VWA3B: variants seen among roughly 807,000 people sequenced by gnomAD.
The protein encoded by VWA3B is von Willebrand factor A domain-containing protein 3B.
VWA3B carries 138 observed loss-of-function variants against 158.3 expected under a neutral mutation model. That is an observed-to-expected ratio of 0.87 (90% CI 0.76 to 1.00). The LOEUF (loss-of-function observed/expected upper bound fraction) is 1.00. Ranked by LOEUF, VWA3B falls within the 50% of genes least tolerant of loss-of-function variation. The probability of loss-of-function intolerance (pLI) is 0.00; values close to 1 mark genes in which losing one functional copy is unlikely to be tolerated. For synonymous variants in VWA3B, 596 were observed against 587.3 expected (o/e 1.01, Z -0.21); for missense variants, 1,555 against 1,565.1 (o/e 0.99, Z 0.11).
intron 21 of VWA3B, among the ~76,000 whole-genome samples, chr2:98,262,886 T>G (rs1173149304): frequency 3.3e-5 from 5 of 151,954 alleles, no homozygotes; most frequent in Non-Finnish European, 1.5e-5. Context: ...TATGGACATT[T>G]TAACAATTAA....
At position 98,188,274 on chromosome 2, in the gene VWA3B, G is replaced by T. The variant is rs541533697; in HGVS notation, c.1466+145G>T. ...GATACAGAGTGATATTTAGGTGTGT[G>T]TATACAATGTACAAAGATCAAATCA... is the stretch of plus-strand genomic sequence containing the variant. On this transcript the variant is annotated intron_variant, in intron 10 of 27. Transcript: ENST00000477737. 7.4e-6 allele frequency: 8 copies of T among 1,077,852 alleles called. No individual in the cohort carries two copies. The African/African-American group carries it at 1.1e-4, about 15-fold the overall frequency. The allele number at this position is 1,077,852 out of a possible 1,614,324, so 66.8% of individuals were successfully genotyped here.
At chr2:98,155,143 G>A (rs916514883) in intron 7 of VWA3B, among the ~76,000 whole-genome samples, 12 of 152,298 alleles carry the variant, frequency 7.9e-5, no homozygotes, top group Admixed American at 2.0e-4. Context: ...GGTGACAGCC[G>A]ATTCCAATAC....
chr2:98,312,296 C>T lies in VWA3B; in HGVS notation c.3832C>T (p.Leu1278Phe). Reference sequence around the variant, plus strand: ...ACCTCGAGCAGCCCTGCCCTGTACTCTCCAAGCCACCCACAGCAGCAAAGG... The same window carrying T: ...ACCTCGAGCAGCCCTGCCCTGTACTTTCCAAGCCACCCACAGCAGCAAAGG... ...PPPRAALPCTLQATHSSKGLR... is the reference protein window; with the variant it reads ...PPPRAALPCTFQATHSSKGLR... Residue 1278 changes from leucine to phenylalanine, a missense_variant, in exon 28 of 28, where the codon CTC (leucine) becomes TTC (phenylalanine). Coordinates refer to ENST00000477737, the MANE Select transcript of VWA3B (RefSeq NM_144992.5). 3 of 1,614,120 alleles carry T rather than the reference C, an allele frequency of 1.9e-6. No homozygotes were observed. The highest frequency in any genetic ancestry group is 2.2e-5 in the East Asian group (1 of 44,870).
chr2:98,235,263 A>G (rs1162469804), intron 17 of VWA3B, among the ~76,000 whole-genome samples: 2 of 152,266 alleles, frequency 1.3e-5, no homozygotes, highest in Admixed American at 6.5e-5. Context: ...TTTATTTCAA[A>G]TGGTTGATAC....
intron 7 of VWA3B, among the ~76,000 whole-genome samples, chr2:98,140,487 C>T (rs1010593841): frequency 7.2e-5 from 11 of 152,230 alleles, no homozygotes; most frequent in Admixed American, 7.2e-4. Context: ...GGCTGGATCC[C>T]TGCCCCTGTT....
At chr2:98,153,201 A>G (rs59295971) in intron 7 of VWA3B, among the ~76,000 whole-genome samples, 3,473 of 152,274 alleles carry the variant, frequency 0.023, 138 homozygotes, top group African/African-American at 0.078. Flanking sequence ...GCTCACTATC[A>G]TATTTTGCTT....
At chr2:98,302,474 T>A (rs995608077) in intron 25 of VWA3B, among the ~76,000 whole-genome samples, 2 of 152,216 alleles carry the variant, frequency 1.3e-5, no homozygotes, top group African/African-American at 4.8e-5. Flanking sequence ...ATGGACGACT[T>A]AACATGCCTG....
intron 12 of VWA3B, among the ~76,000 whole-genome samples, chr2:98,199,737 A>G (rs1682372006): frequency 6.6e-6 from 1 of 152,198 alleles, no homozygotes; most frequent in African/African-American, 2.4e-5. Context: ...GCTGTTCCCT[A>G]TATATACATC....
chr2:98,112,690 T>A (rs1361630553), intron 2 of VWA3B, among the ~76,000 whole-genome samples: 1 of 152,014 alleles, frequency 6.6e-6, no homozygotes, highest in Non-Finnish European at 1.5e-5. Context: ...TTTTTTTTAA[T>A]CAAATCTTGG....
At chr2:98,089,752 C>T (rs548127413) in intron 1 of VWA3B, among the ~76,000 whole-genome samples, 191 of 149,600 alleles carry the variant, frequency 1.3e-3, no homozygotes, top group African/African-American at 4.2e-3. Flanking sequence ...GGCTACAAAA[C>T]GCTGGAGGTA....
At chr2:98,113,887 A>G (rs1674330794) in intron 2 of VWA3B, among the ~76,000 whole-genome samples, 1 of 152,162 alleles carries the variant, frequency 6.6e-6, no homozygotes, top group Admixed American at 6.5e-5. Flanking sequence ...TGGCTGTACT[A>G]CGATTTTCTT....
the VWA3B span, among the ~76,000 whole-genome samples, chr2:98,328,806 G>C: frequency 6.8e-6 from 1 of 147,866 alleles, no homozygotes; most frequent in Non-Finnish European, 1.5e-5. Flanking sequence ...AGTTCCAGCA[G>C]GTTTGTTGAC....
intron 13 of VWA3B, chr2:98,212,279 G>GC: frequency 3.0e-6 from 1 of 329,836 alleles, no homozygotes; most frequent in Non-Finnish European, 5.6e-6. Flanking sequence ...CTGGAGACCA[G>GC]CCCCACAAAA....
chr2:98,230,151 A>C lies in VWA3B; in HGVS notation c.2252A>C (p.Lys751Thr). ...CAAACTTCATCTCTGAATATGTTGA[A>C]GGGACCATGGGGCCTTTCAGATCAA... ...STQTSSLNML[K>T]GPWGLSDQKV... is the part of the protein sequence containing the mutation. Residue 751 changes from lysine (K) to threonine (T), a missense_variant, in exon 16 of 28, where the codon AAG (lysine) becomes ACG (threonine). By Grantham distance (78) the Lys-to-Thr change is moderately conservative (BLOSUM62 -1). Coordinates refer to ENST00000477737, the MANE Select transcript of VWA3B (RefSeq NM_144992.5). The C allele has an allele frequency of 6.2e-7, 1 of 1,610,516 alleles. No individual in the cohort carries two copies. The highest frequency in any genetic ancestry group is 8.5e-7 in the Non-Finnish European group (1 of 1,179,204).
At chr2:98,093,780 C>T (rs298916) in intron 2 of VWA3B, among the ~76,000 whole-genome samples, 54,008 of 151,856 alleles carry the variant, frequency 0.36, 11,008 homozygotes, top group African/African-American at 0.58. Flanking sequence ...CTTTGACTAA[C>T]ATCTTCCCGA....
chr2:98,107,021 A>G lies in VWA3B; in HGVS notation c.197-8631A>G, dbSNP rs559964236. Reference sequence around the variant, plus strand: ...AAAATTATATTGTGGAAGGTCCCTGATATTCCTAGTAATCTGAGAATTTTT... The same window carrying G: ...AAAATTATATTGTGGAAGGTCCCTGGTATTCCTAGTAATCTGAGAATTTTT... On this transcript the variant is annotated intron_variant, in intron 2 of 27. Coordinates refer to ENST00000477737, the MANE Select transcript of VWA3B (RefSeq NM_144992.5). Among the ~76,000 whole-genome samples, 18 of 152,304 alleles carry G rather than the reference A, an allele frequency of 1.2e-4. No homozygotes were observed. In the South Asian group the frequency reaches 3.7e-3, roughly 32 times the overall value.
intron 2 of VWA3B, among the ~76,000 whole-genome samples, chr2:98,109,712 T>G (rs1041554462): frequency 1.3e-5 from 2 of 152,110 alleles, no homozygotes; most frequent in African/African-American, 2.4e-5. Context: ...TCCTTTAGTT[T>G]CTTTGTCTGA....
At chr2:98,287,176 A>C (rs957207073) in intron 22 of VWA3B, among the ~76,000 whole-genome samples, 1 of 151,618 alleles carries the variant, frequency 6.6e-6, no homozygotes, top group East Asian at 1.9e-4. Flanking sequence ...TTAAGCTAGA[A>C]CTCTAGGATT....
chr2:98,101,085 C>T (rs1290958749), intron 2 of VWA3B, among the ~76,000 whole-genome samples: 1 of 152,128 alleles, frequency 6.6e-6, no homozygotes, highest in African/African-American at 2.4e-5. Flanking sequence ...TGTTCATCTC[C>T]TGGGATGTGC....
Sources: allele counts gnomAD v4.1 joint callset (sites outside exome capture counted in the v4.1 genomes callset), GRCh38; gene constraint gnomAD v4.1.1; transcripts MANE v1.5; gene names NCBI Gene and HGNC (gene_info 2026-07-23, HGNC 2026-07-21).